The following TNXB variants were observed in gnomAD, a reference collection of about 807,000 sequenced individuals.
TNXB encodes tenascin-X.
In TNXB, 183 loss-of-function variants were observed where a neutral mutation model predicts 340.5. The ratio of observed to expected loss-of-function variants is 0.54; its 90% CI spans 0.48 to 0.61. The LOEUF (loss-of-function observed/expected upper bound fraction) is 0.61. TNXB is among the 20% of genes least tolerant of loss of function. TNXB has a pLI of 0.00. For synonymous variants in TNXB, 2,121 were observed against 2,314.5 expected, an observed-to-expected ratio of 0.92 and a Z score of 2.40; for missense variants, 4,613 against 5,446.4, an observed-to-expected ratio of 0.85 and a Z score of 4.82.
At chr6:32,078,674 A>T (rs909347776) in intron 11 of TNXB, 2 of 288,366 alleles carry the variant, frequency 6.9e-6, no homozygotes, top group African/African-American at 4.6e-5. Flanking sequence ...AAGGGGACAA[A>T]GCAGACCTCA....
rs1253311549 is a variant in TNXB, at chr6:32,061,590, G to T, written c.7299C>A (p.Val2433=). ...SPDSLSLSWT[V]PQGRFDSFTV... is the part of the protein sequence containing the mutation. Reference sequence around the variant, plus strand: ...TGAAGGAGTCGAAGCGGCCCTGGGGGACGGTCCAGGAGAGGCTCAGCGAGT... The same window carrying T: ...TGAAGGAGTCGAAGCGGCCCTGGGGTACGGTCCAGGAGAGGCTCAGCGAGT... Residue 2433 remains valine (V), a synonymous_variant, in exon 21 of 44, where the codon GTC becomes GTA. Coordinates refer to ENST00000644971, the MANE Select transcript of TNXB (RefSeq NM_001365276.2). This position sits in a 1 kb window ranked among gnomAD's most constrained non-coding sequence, Gnocchi z 4.4. 31 of 1,613,132 alleles carry T rather than the reference G, an allele frequency of 1.9e-5. No individual in the cohort carries two copies. The highest frequency in any genetic ancestry group is 2.6e-5 in the Non-Finnish European group (31 of 1,179,896).
chr6:32,048,455 G>GAGA lies in TNXB; in HGVS notation c.9950_9952dup (p.Val3317_Ser3318insPhe). 1 of 1,589,694 alleles carries GAGA rather than the reference G, an allele frequency of 6.3e-7. No homozygotes were observed. The highest frequency in any genetic ancestry group is 1.1e-5 in the South Asian group (1 of 88,198). Reference sequence around the variant, plus strand: ...GTACTTGCGGGCCGGGTCCAGCCCCGAGACGGCGACCGCTCGGAGGTCTCC... The same window carrying GAGA: ...GTACTTGCGGGCCGGGTCCAGCCCCGAGAAGACGGCGACCGCTCGGAGGTCTCC... On this transcript the variant is annotated inframe_insertion, in exon 29 of 44. Transcript: ENST00000644971.
Position 32,067,134 on chromosome 6 carries a change from A to AG in TNXB, c.6544+526dup, listed in dbSNP as rs1480847452. Among the ~76,000 whole-genome samples, 1 of 106,604 alleles carries AG rather than the reference A, an allele frequency of 9.4e-6. No homozygotes were observed. Among genetic ancestry groups the AG allele is most frequent in the African/African-American group, 4.2e-5 (1 of 23,830 alleles). The allele number at this position is 106,604 out of a possible 152,430, so 69.9% of individuals were successfully genotyped here. On this transcript the variant is annotated intron_variant, in intron 18 of 43. Transcript: ENST00000644971. The surrounding 1 kb of genome is among the most constrained non-coding windows in gnomAD (Gnocchi z 4.2). Reference sequence around the variant, plus strand: ...GAAAGAGAAAGAAAGAAAGGAAGGAAGAAAGAAAGAAAGAAAGAAAGAAAG... The same window carrying AG: ...GAAAGAGAAAGAAAGAAAGGAAGGAAGGAAAGAAAGAAAGAAAGAAAGAAAG...
chr6:32,079,357 C>T lies in TNXB; in HGVS notation c.4051G>A (p.Glu1351Lys). ...GGGCTGGGGGTCTCGTCCACATCCT[C>T]CTGAGGAGCTGAGAGAAGAGATAGA... ...ESVVAKTAPQ[E>K]DVDETPSPTE... The change falls in exon 11 of 44, where the codon GAG (glutamate) becomes AAG (lysine). Residue 1351 changes from glutamate to lysine, a missense_variant. Physicochemically the swap from Glu to Lys is moderately conservative, Grantham distance 56. This residue lies in a region of TNXB where 4,327 missense variants were observed against 4,859.4 expected (regional missense o/e 0.89). Transcript: ENST00000644971. The surrounding 1 kb of genome is among the most constrained non-coding windows in gnomAD (Gnocchi z 7.1). The T allele has an allele frequency of 1.2e-6, 2 of 1,603,194 alleles. No individual in the cohort carries two copies. The highest frequency in any genetic ancestry group is 1.3e-5 in the African/African-American group (1 of 74,554).
At chr6:32,100,321 T>C (rs980741828) in intron 1 of TNXB, among the ~76,000 whole-genome samples, 1 of 151,656 alleles carries the variant, frequency 6.6e-6, no homozygotes, top group Non-Finnish European at 1.5e-5. Context: ...GCCAGGCTGG[T>C]CTCAAACTCC....
chr6:32,065,379 C>T (rs1477511396), intron 18 of TNXB, among the ~76,000 whole-genome samples: 1 of 152,172 alleles, frequency 6.6e-6, no homozygotes, highest in Non-Finnish European at 1.5e-5. Context: ...CATCCCCACA[C>T]TTCCTTTAAG....
chr6:32,092,710 G>GA (rs1437600111), intron 4 of TNXB, among the ~76,000 whole-genome samples: 1 of 150,794 alleles, frequency 6.6e-6, no homozygotes, highest in Non-Finnish European at 1.5e-5. Context: ...AAAAAAGAAA[G>GA]AAAGAAAAGA....
In TNXB at chr6:32,064,999, A is replaced by C. The variant is rs750477849; in HGVS notation, c.6663T>G (p.Phe2221Leu). 1 of 1,612,476 alleles carries C rather than the reference A, an allele frequency of 6.2e-7. No homozygotes were observed. Among genetic ancestry groups the C allele is most frequent in the Non-Finnish European group, 8.5e-7 (1 of 1,179,682 alleles). ...TCTTAAACTGGACCAAGAAATGGTC[A>C]AACTGGCCCTCGGGGACTGTCCAGG... ...SLSWTVPEGQ[F>L]DHFLVQFKNG... Residue 2221 changes from phenylalanine to leucine, a missense_variant, in exon 19 of 44, where the codon TTT becomes TTG. This residue lies in a region of TNXB where 4,327 missense variants were observed against 4,859.4 expected (regional missense o/e 0.89). Coordinates refer to ENST00000644971, the MANE Select transcript of TNXB (RefSeq NM_001365276.2). The surrounding 1 kb of genome is among the most constrained non-coding windows in gnomAD (Gnocchi z 5.3).
In TNXB at chr6:32,081,962, TG is replaced by T; in HGVS notation, c.3736+73del. 1 of 1,449,952 alleles carries T rather than the reference TG, an allele frequency of 6.9e-7. No individual in the cohort carries two copies. 89.8% of individuals were successfully genotyped at this position (1,449,952 alleles called of 1,614,324 possible). A position where few individuals can be genotyped will look rare whatever the true frequency, so the allele number is the denominator to read the frequency against. Reference sequence around the variant, plus strand: ...AGCTGTCTTGCTGGGGGACCCCAGCTGGTTTTGGGCTGAAGGGAAGTGTGCA... The same window carrying T: ...AGCTGTCTTGCTGGGGGACCCCAGCTGTTTTGGGCTGAAGGGAAGTGTGCA... On this transcript the variant is annotated intron_variant, in intron 9 of 43. Coordinates refer to ENST00000644971, the MANE Select transcript of TNXB (RefSeq NM_001365276.2). The surrounding 1 kb of genome is among the most constrained non-coding windows in gnomAD (Gnocchi z 5.1).
At chr6:32,054,460 A>G (rs758564376) in intron 24 of TNXB, among the ~76,000 whole-genome samples, 5 of 152,130 alleles carry the variant, frequency 3.3e-5, no homozygotes, top group Non-Finnish European at 5.9e-5. Flanking sequence ...CACCCCACTC[A>G]ATCCTCAGTG....
intron 22 of TNXB, 119 bp downstream of exon 22, chr6:32,057,939 G>A: frequency 8.2e-7 from 1 of 1,217,244 alleles, no homozygotes; most frequent in Non-Finnish European, 1.1e-6. Flanking sequence ...TTTCCATAAT[G>A]TTGCTATATT....
Position 32,058,492 on chromosome 6 carries a change from G to T in TNXB, c.7493-102C>A. 1.0e-6 allele frequency: 1 copy of T among 996,430 alleles called. No homozygotes were observed. 61.7% of individuals were successfully genotyped at this position (996,430 alleles called of 1,614,324 possible). ...CATACATCAAATGTGCCCCTCCAGA[G>T]CAGGCTGAGGGCTGGGGCAGCTTTG... On this transcript the variant is annotated intron_variant, in intron 21 of 43. Transcript: ENST00000644971. This position sits in a 1 kb window ranked among gnomAD's most constrained non-coding sequence, Gnocchi z 5.1.
rs1778971755 is a variant in TNXB at position 32,074,503 on chromosome 6, A to G, written c.4376-551T>C. Among the ~76,000 whole-genome samples the G allele has an allele frequency of 6.6e-6, 1 of 152,096 alleles. No individual in the cohort carries two copies. Among genetic ancestry groups the G allele is most frequent in the South Asian group, 2.1e-4 (1 of 4,826 alleles). On this transcript the variant is annotated intron_variant, in intron 11 of 43. Transcript: ENST00000644971. The surrounding 1 kb of genome is among the most constrained non-coding windows in gnomAD (Gnocchi z 5.5). ...CTGGGAGAGCGCTGAAATTCCATCTATATGCCAATGACTCCAGATTTACAC... is the reference window on the plus strand; with the variant it reads ...CTGGGAGAGCGCTGAAATTCCATCTGTATGCCAATGACTCCAGATTTACAC...
At position 32,042,597 on chromosome 6, in the gene TNXB, C is replaced by T. The variant is rs779565451; in HGVS notation, c.12068G>A (p.Arg4023Gln). ...VSTSFTTGGL[R>Q]IPFPRDCGEE... ...CCCGCAGTCCCTGGGGAAGGGGATC[C>T]GCAGCCCACCTGGGAGAGGAGAGCA... is the stretch of plus-strand genomic sequence containing the variant. The change falls in exon 40 of 44, where the codon CGG becomes CAG. Residue 4023 changes from arginine (R) to glutamine (Q), a missense_variant. Arg to Gln is a conservative substitution (Grantham distance 43). Around this residue, in one of 7 missense-constraint regions of TNXB, gnomAD observed 121 missense variants for 177.4 expected, o/e 0.68. Coordinates refer to ENST00000644971, the MANE Select transcript of TNXB (RefSeq NM_001365276.2). The T allele has an allele frequency of 8.9e-6, 14 of 1,572,120 alleles. No individual in the cohort carries two copies. Among genetic ancestry groups the T allele is most frequent in the South Asian group, 5.7e-5 (5 of 87,852 alleles).
rs1194113762 is a variant in TNXB, at chr6:32,072,071, G to A, written c.4909C>T (p.Pro1637Ser). 8 of 1,612,970 alleles carry A rather than the reference G, an allele frequency of 5.0e-6. No individual in the cohort carries two copies. Among genetic ancestry groups the A allele is most frequent in the Non-Finnish European group, 5.9e-6 (7 of 1,179,498 alleles). Reference protein sequence around the residue: ...QREVTIPDLEPSRKYKFLLFG... With the variant: ...QREVTIPDLESSRKYKFLLFG... ...AGCAGGAACTTGTACTTGCGGGAGG[G>A]TTCCAGGTCAGGGATAGTGACCTCC... is the stretch of plus-strand genomic sequence containing the variant. Residue 1637 changes from proline to serine, a missense_variant, in exon 13 of 44, where the codon CCC (proline) becomes TCC (serine). Pro to Ser is a moderately conservative substitution (Grantham distance 74, BLOSUM62 -1). Around this residue, in one of 7 missense-constraint regions of TNXB, gnomAD observed 4,327 missense variants for 4,859.4 expected, o/e 0.89. Coordinates refer to ENST00000644971, the MANE Select transcript of TNXB (RefSeq NM_001365276.2). The surrounding 1 kb of genome is among the most constrained non-coding windows in gnomAD (Gnocchi z 4.4).
intron 1 of TNXB, among the ~76,000 whole-genome samples, chr6:32,104,454 C>G (rs1780878507): frequency 6.6e-6 from 1 of 152,200 alleles, no homozygotes; most frequent in Non-Finnish European, 1.5e-5. Context: ...CCCCACCATT[C>G]ATCCAGCTTT....
chr6:32,080,579 C>G lies in TNXB; in HGVS notation c.4042+789G>C, dbSNP rs1324498941. On this transcript the variant is annotated intron_variant, in intron 10 of 43. Coordinates refer to ENST00000644971, the MANE Select transcript of TNXB (RefSeq NM_001365276.2). The surrounding 1 kb of genome is among the most constrained non-coding windows in gnomAD (Gnocchi z 4.3). Reference sequence around the variant, plus strand: ...TCTGTGCAGAGGGACTGAAATCCAGCCACCTGACAGAAGGGAAAGCTGAGG... The same window carrying G: ...TCTGTGCAGAGGGACTGAAATCCAGGCACCTGACAGAAGGGAAAGCTGAGG... 1.3e-5 allele frequency among the ~76,000 whole-genome samples: 2 copies of G among 152,206 alleles called. No homozygotes were observed. The highest frequency in any genetic ancestry group is 2.9e-5 in the Non-Finnish European group (2 of 68,046).
rs987362626 is a variant in TNXB at position 32,073,745 on chromosome 6, G to A, written c.4583C>T (p.Thr1528Ile). Reference protein sequence around the residue: ...VPVAADQREVTVYNLEPERKY... With the variant: ...VPVAADQREVIVYNLEPERKY... ...TCTCTCAGGCTCCAGGTTGTAGACT[G>A]TGACCTCTCGCTGGTCTGCCGCCAC... The change falls in exon 12 of 44, where the codon ACA (threonine) becomes ATA (isoleucine). Residue 1528 changes from threonine (T) to isoleucine (I), a missense_variant. By Grantham distance (89) the Thr-to-Ile change is moderately conservative. Transcript: ENST00000644971. This position sits in a 1 kb window ranked among gnomAD's most constrained non-coding sequence, Gnocchi z 4.6. 5 of 1,612,250 alleles carry A rather than the reference G, an allele frequency of 3.1e-6. No homozygotes were observed. Among genetic ancestry groups the A allele is most frequent in the Non-Finnish European group, 4.2e-6 (5 of 1,179,478 alleles).
Position 32,079,090 on chromosome 6 carries a change from G to C in TNXB, c.4318C>G (p.Leu1440Val), listed in dbSNP as rs756905708. The C allele has an allele frequency of 5.6e-6, 9 of 1,613,598 alleles. No homozygotes were observed. The highest frequency in any genetic ancestry group is 7.6e-6 in the Non-Finnish European group (9 of 1,179,870). The change falls in exon 11 of 44, where the codon CTG becomes GTG. Residue 1440 changes from leucine to valine, a missense_variant. By Grantham distance (32) the Leu-to-Val change is conservative. Around this residue, in one of 7 missense-constraint regions of TNXB, gnomAD observed 4,327 missense variants for 4,859.4 expected, o/e 0.89. Coordinates refer to ENST00000644971, the MANE Select transcript of TNXB (RefSeq NM_001365276.2). The surrounding 1 kb of genome is among the most constrained non-coding windows in gnomAD (Gnocchi z 7.1). ...LEPGHKYKMH[L>V]YGLHEGQRVG... Reference sequence around the variant, plus strand: ...CGCTGCCCCTCGTGGAGGCCGTACAGGTGCATCTTGTACTTGTGCCCGGGC... The same window carrying C: ...CGCTGCCCCTCGTGGAGGCCGTACACGTGCATCTTGTACTTGTGCCCGGGC...
Sources: gnomAD v4.1 joint callset for allele counts (sites outside exome capture counted in the v4.1 genomes callset) on GRCh38, gnomAD v4.1.1 for gene constraint, gnomAD v4.1.1 regional missense constraint, Gnocchi (gnomAD v3.1) non-coding constraint, MANE v1.5 for transcripts, NCBI Gene and HGNC (gene_info 2026-07-23, HGNC 2026-07-21) for gene names.